Variants in PHKA1 observed in about 807,000 individuals in gnomAD.
PHKA1 encodes phosphorylase b kinase regulatory subunit alpha, skeletal muscle isoform.
Under a neutral mutation model 110.2 loss-of-function variants are expected in PHKA1, and 60 were observed. That is an observed-to-expected ratio of 0.54 (90% confidence interval 0.44 to 0.68). The LOEUF (loss-of-function observed/expected upper bound fraction) is 0.68. PHKA1 is among the 30% of genes least tolerant of loss of function. The probability of loss-of-function intolerance (pLI) is 0.00; values close to 1 mark genes in which losing one functional copy is unlikely to be tolerated. For synonymous variants in PHKA1, 316 were observed against 333.6 expected, an observed-to-expected ratio of 0.95 and a Z score of 0.58; for missense variants, 801 against 942.5, an observed-to-expected ratio of 0.85 and a Z score of 1.97.
intron 14 of PHKA1, 140 bp from the exon 15 acceptor site, chrX:72,636,526 C>T: frequency 2.1e-6 from 1 of 472,778 alleles, no homozygotes; most frequent in Non-Finnish European, 3.8e-6. Context: ...CACTGTATTT[C>T]CTTGAATTTA....
rs1556200259 is a variant in PHKA1 at position 72,581,001 on chromosome X, C to T, written c.*1G>A. 1 of 1,208,438 alleles carries T rather than the reference C, an allele frequency of 8.3e-7. No homozygotes were observed. Among genetic ancestry groups the T allele is most frequent in the Non-Finnish European group, 1.1e-6 (1 of 893,992 alleles). Reference sequence around the variant, plus strand: ...CTCCCAGAAGCCAGGAACCAAAGCCCTCATTGCATGGCACAGATGCTGTGG... The same window carrying T: ...CTCCCAGAAGCCAGGAACCAAAGCCTTCATTGCATGGCACAGATGCTGTGG... On this transcript the variant is annotated 3_prime_UTR_variant, in exon 32 of 32. Coordinates refer to ENST00000373542, the MANE Select transcript of PHKA1 (RefSeq NM_002637.4).
At chrX:72,677,792 C>T (rs1442362942) in intron 5 of PHKA1, among the ~76,000 whole-genome samples, 1 of 111,271 alleles carries the variant, frequency 9.0e-6, no homozygotes, top group African/African-American at 3.3e-5. Flanking sequence ...TAGGTCCTGC[C>T]TGCAATCCCA....
intron 14 of PHKA1, among the ~76,000 whole-genome samples, chrX:72,637,332 T>C (rs1912989070): frequency 8.9e-6 from 1 of 112,280 alleles, no homozygotes; most frequent in Admixed American, 9.4e-5. Flanking sequence ...GCTTATTTCA[T>C]TTAGCATAGT....
intron 17 of PHKA1, among the ~76,000 whole-genome samples, chrX:72,625,291 T>C (rs1441811765): frequency 1.2e-4 from 13 of 111,563 alleles, no homozygotes; most frequent in Non-Finnish European, 2.1e-4. Context: ...TGTCTATTGT[T>C]TCCTTTTTTG....
intron 9 of PHKA1, among the ~76,000 whole-genome samples, chrX:72,656,859 T>G (rs1320833749): frequency 8.9e-6 from 1 of 111,930 alleles, no homozygotes; most frequent in Non-Finnish European, 1.9e-5. Flanking sequence ...ATTTAAGAGC[T>G]TATGATGATG....
intron 5 of PHKA1, among the ~76,000 whole-genome samples, chrX:72,681,507 C>A (rs1337272515): frequency 2.1e-5 from 2 of 94,204 alleles, no homozygotes; most frequent in African/African-American, 7.2e-5. Context: ...GGGGGTCAGC[C>A]CCCCGCCTGG....
chrX:72,640,233 A>AAAAAATAG (rs1229495123), intron 14 of PHKA1, among the ~76,000 whole-genome samples: 6 of 111,962 alleles, frequency 5.4e-5, no homozygotes, highest in African/African-American at 1.9e-4. Flanking sequence ...AGGGCAAATA[A>AAAAAATAG]CAAAATAGCA....
intron 14 of PHKA1, among the ~76,000 whole-genome samples, chrX:72,639,889 T>A (rs1556294197): frequency 8.9e-6 from 1 of 112,049 alleles, no homozygotes; most frequent in African/African-American, 3.2e-5. Context: ...TATCCACACA[T>A]GTGAGTGAGT....
At position 72,712,956 on chromosome X, in the gene PHKA1, G is replaced by T. The variant is rs1377546245; in HGVS notation, c.79-19C>A. ...CTGGATTCTGCAAGGTCAAGAAAAA[G>T]AGGGCAGGAAGGTAACCATAGGTGT... On this transcript the variant is annotated intron_variant, in intron 1 of 31. Transcript: ENST00000373542. The T allele has an allele frequency of 8.3e-7, 1 of 1,207,508 alleles. No homozygotes were observed. Among genetic ancestry groups the T allele is most frequent in the Non-Finnish European group, 1.1e-6 (1 of 893,404 alleles).
intron 29 of PHKA1, among the ~76,000 whole-genome samples, chrX:72,590,864 A>G (rs1556223750): frequency 8.9e-6 from 1 of 112,199 alleles, no homozygotes; most frequent in Non-Finnish European, 1.9e-5. Flanking sequence ...ACAATGAGAT[A>G]CCATCTCACA....
intron 22 of PHKA1, 68 bp from the exon 23 acceptor site, chrX:72,609,771 C>T: frequency 3.8e-6 from 3 of 798,464 alleles, no homozygotes; most frequent in Non-Finnish European, 5.8e-6. Context: ...TTTCTCTTTT[C>T]AGCTGAAAAA....
intron 20 of PHKA1, 27 bp downstream of exon 20, chrX:72,619,187 A>T: frequency 1.0e-6 from 1 of 975,311 alleles, no homozygotes; most frequent in Non-Finnish European, 1.5e-6. Context: ...CAAAAAGCTA[A>T]TAGAAATACC....
intron 25 of PHKA1, 47 bp from the exon 26 acceptor site, chrX:72,603,267 C>A (rs1556246328): frequency 1.3e-6 from 1 of 742,225 alleles, no homozygotes; most frequent in Non-Finnish European, 2.1e-6. Context: ...ATTTGCCTGC[C>A]ATGCCCTCTC....
At chrX:72,600,470 ATTCAGTACTGAATGTAGTTC>A (rs1466867868) in intron 28 of PHKA1, among the ~76,000 whole-genome samples, 2 of 112,393 alleles carry the variant, frequency 1.8e-5, no homozygotes, top group Non-Finnish European at 3.8e-5. Context: ...GTAACTAACT[ATTCAGTACTGAATGTAGTTC>A]TTTCACGTTT....
chrX:72,682,211 G>A (rs1351356194), intron 5 of PHKA1, among the ~76,000 whole-genome samples: 2 of 91,576 alleles, frequency 2.2e-5, no homozygotes, highest in African/African-American at 7.9e-5. Flanking sequence ...AGGTGGGGGG[G>A]TCAGCCGCCC....
intron 16 of PHKA1, among the ~76,000 whole-genome samples, chrX:72,628,093 T>C (rs1478946027): frequency 9.0e-6 from 1 of 110,876 alleles, no homozygotes; most frequent in East Asian, 2.8e-4. Flanking sequence ...CCTCCCACAG[T>C]GCTGGGATTA....
intron 28 of PHKA1, among the ~76,000 whole-genome samples, chrX:72,597,316 TG>T (rs1374506080): frequency 8.9e-6 from 1 of 112,112 alleles, no homozygotes; most frequent in East Asian, 2.8e-4. Flanking sequence ...GCTTTCTTTC[TG>T]GGAGTCCAGA....
At chrX:72,585,092 A>G (rs1293470282) in intron 29 of PHKA1, among the ~76,000 whole-genome samples, 1 of 110,771 alleles carries the variant, frequency 9.0e-6, no homozygotes, top group Non-Finnish European at 1.9e-5. Flanking sequence ...TTATACAAGT[A>G]ATTTCCAAAA....
intron 8 of PHKA1, among the ~76,000 whole-genome samples, chrX:72,660,308 C>T (rs1335260197): frequency 1.8e-5 from 2 of 112,082 alleles, no homozygotes; most frequent in East Asian, 5.6e-4. Flanking sequence ...TATAGACAAT[C>T]TGTCCTCCCA....
Sources: gnomAD v4.1 joint callset for allele counts (sites outside exome capture counted in the v4.1 genomes callset) on GRCh38, gnomAD v4.1.1 for gene constraint, MANE v1.5 for transcripts, NCBI Gene and HGNC (gene_info 2026-07-23, HGNC 2026-07-21) for gene names.